GDAP2: variants seen among roughly 807,000 people sequenced by gnomAD.
GDAP2 encodes the protein ganglioside-induced differentiation-associated protein 2.
In GDAP2, 51 loss-of-function variants were observed where a neutral mutation model predicts 67.0. That is an observed-to-expected ratio of 0.76 (90% CI 0.61 to 0.96). The LOEUF is 0.96. Among genes scored for constraint, GDAP2 ranks in the 40% least tolerant of loss-of-function variants. GDAP2 has a pLI of 0.00. For missense variants in GDAP2, 547 were observed against 588.3 expected, an observed-to-expected ratio of 0.93 and a Z score of 0.73; for synonymous variants, 203 against 207.3, an observed-to-expected ratio of 0.98 and a Z score of 0.18.
intron 2 of GDAP2, among the ~76,000 whole-genome samples, chr1:117,919,313 G>A (rs976093587): frequency 2.0e-5 from 3 of 151,268 alleles, no homozygotes; most frequent in African/African-American, 7.3e-5. Context: ...GGCGGAGCTT[G>A]CAGTGAGCCG....
At chr1:117,893,034 G>A (rs1649138994) in intron 8 of GDAP2, among the ~76,000 whole-genome samples, 1 of 152,064 alleles carries the variant, frequency 6.6e-6, no homozygotes, top group African/African-American at 2.4e-5. Flanking sequence ...ATGCAGGCGG[G>A]TGCTGTATCT....
chr1:117,899,142 T>C lies in GDAP2; in HGVS notation c.711A>G (p.Leu237=). The C allele has an allele frequency of 6.2e-7, 1 of 1,609,102 alleles. No homozygotes were observed. The highest frequency in any genetic ancestry group is 1.1e-5 in the South Asian group (1 of 90,960). Residue 237 remains leucine (L), a synonymous_variant, in exon 7 of 14, where the codon CTA becomes CTG. Coordinates refer to ENST00000369443, the MANE Select transcript of GDAP2 (RefSeq NM_017686.4). Reference sequence around the variant, plus strand: ...CTTCTGCATTTCCAATATCTGCAGGTAGGTAGGGCAATGATCGATTCTCCT... The same window carrying C: ...CTTCTGCATTTCCAATATCTGCAGGCAGGTAGGGCAATGATCGATTCTCCT... The part of the protein sequence containing the change: ...LKEENRSLPY[L]PADIGNAEGE...
chr1:117,878,107 C>T lies in GDAP2; in HGVS notation c.1348G>A (p.Asp450Asn), dbSNP rs756141540. 1.2e-6 allele frequency: 2 copies of T among 1,610,140 alleles called. No homozygotes were observed. The highest frequency in any genetic ancestry group is 8.5e-7 in the Non-Finnish European group (1 of 1,177,630). Residue 450 changes from aspartate (D) to asparagine (N), a missense_variant, in exon 13 of 14, where the codon GAC becomes AAC. Coordinates refer to ENST00000369443, the MANE Select transcript of GDAP2 (RefSeq NM_017686.4). The stretch of plus-strand genomic sequence containing the variant: ...AGGCTGTCCACATGGTGGATTTTGT[C>T]CTTCAGTCCTGAGACAGAAAAGGTG... The part of the protein sequence containing the change: ...FTTFSVSGLK[D>N]KIHHVDSLHQ...
intron 5 of GDAP2, among the ~76,000 whole-genome samples, chr1:117,907,273 A>G (rs1649689910): frequency 1.3e-5 from 2 of 152,106 alleles, no homozygotes; most frequent in Non-Finnish European, 2.9e-5. Flanking sequence ...TCTGCCTTCA[A>G]TATTTTTTAT....
chr1:117,881,675 A>G lies in GDAP2; in HGVS notation c.1302+148T>C, dbSNP rs1031798005. 4.7e-6 allele frequency: 3 copies of G among 633,414 alleles called. No homozygotes were observed. In the African/African-American group the frequency reaches 5.5e-5, roughly 12 times the overall value. 39.2% of individuals were successfully genotyped at this position (633,414 alleles called of 1,614,324 possible). A position where few individuals can be genotyped will look rare whatever the true frequency, so the allele number is the denominator to read the frequency against. ...TGGAGTCACATACAACCAAAACATCAGGACCACAACTCAAGATCACTTAGA... is the reference window on the plus strand; with the variant it reads ...TGGAGTCACATACAACCAAAACATCGGGACCACAACTCAAGATCACTTAGA... On this transcript the variant is annotated intron_variant, in intron 12 of 13. Coordinates refer to ENST00000369443, the MANE Select transcript of GDAP2 (RefSeq NM_017686.4).
chr1:117,913,300 A>G (rs1221167680), intron 3 of GDAP2: 1 of 152,150 alleles, frequency 6.6e-6, no homozygotes, highest in Admixed American at 6.5e-5. Context: ...TATGCTGTCA[A>G]GTGGGATGTG....
chr1:117,896,910 T>G lies in GDAP2; in HGVS notation c.876A>C (p.Gly292=). 1 of 1,611,922 alleles carries G rather than the reference T, an allele frequency of 6.2e-7. No individual in the cohort carries two copies. The highest frequency in any genetic ancestry group is 8.5e-7 in the Non-Finnish European group (1 of 1,178,176). Reference sequence around the variant, plus strand: ...TCAGTTTTCTTTGCTTGTCAATATCTCCTTCCATTCGAGCAAAAGCATGAG... The same window carrying G: ...TCAGTTTTCTTTGCTTGTCAATATCGCCTTCCATTCGAGCAAAAGCATGAG... ...IGSHAFARME[G]DIDKQRKLIL... The change falls in exon 8 of 14, where the codon GGA becomes GGC. Residue 292 remains glycine (G), a synonymous_variant. Coordinates refer to ENST00000369443, the MANE Select transcript of GDAP2 (RefSeq NM_017686.4).
chr1:117,884,973 G>A (rs566140891), intron 10 of GDAP2, among the ~76,000 whole-genome samples: 15 of 152,004 alleles, frequency 9.9e-5, no homozygotes, highest in Admixed American at 3.9e-4. Context: ...AGCTTCCCAA[G>A]TAGCTGGGAC....
intron 8 of GDAP2, among the ~76,000 whole-genome samples, chr1:117,889,436 A>G (rs1648991055): frequency 6.6e-6 from 1 of 152,042 alleles, no homozygotes; most frequent in African/African-American, 2.4e-5. Context: ...CGTCTAACTG[A>G]AATTTTGTAT....
chr1:117,887,712 G>C lies in GDAP2; in HGVS notation c.1016C>G (p.Ala339Gly). 6.4e-7 allele frequency: 1 copy of C among 1,552,118 alleles called. No homozygotes were observed. Among genetic ancestry groups the C allele is most frequent in the Non-Finnish European group, 8.9e-7 (1 of 1,124,086 alleles). ...TTTAAGCTCACCTGTTTGGTATAAGGCTTTTAGAGAAGCAATATCAGACAG... is the reference window on the plus strand; with the variant it reads ...TTTAAGCTCACCTGTTTGGTATAAGCCTTTTAGAGAAGCAATATCAGACAG... Reference protein sequence around the residue: ...EDLSDIASLKALYQTGVDNCG... With the variant: ...EDLSDIASLKGLYQTGVDNCG... Residue 339 changes from alanine to glycine, a missense_variant, in exon 9 of 14, where the codon GCC becomes GGC. Transcript: ENST00000369443.
chr1:117,885,875 T>C lies in GDAP2; in HGVS notation c.1107+702A>G, dbSNP rs527316162. Among the ~76,000 whole-genome samples the C allele has an allele frequency of 3.9e-5, 6 of 152,312 alleles. No individual in the cohort carries two copies. In the South Asian group the frequency reaches 1.0e-3, roughly 26 times the overall value. ...CTACATAATTATCTTGTGGGTTCAA[T>C]TGTCCCTTGTATGAGTATTCTGATT... On this transcript the variant is annotated intron_variant, in intron 10 of 13. Coordinates refer to ENST00000369443, the MANE Select transcript of GDAP2 (RefSeq NM_017686.4).
chr1:117,912,701 A>G lies in GDAP2; in HGVS notation c.317-18T>C. On this transcript the variant is annotated intron_variant, in intron 3 of 13. Transcript: ENST00000369443. ...TCGGCACCCTGAAAACAATGGAAAC[A>G]CACATAAGTTTGGATGTGTTAGGAA... 1.2e-6 allele frequency: 2 copies of G among 1,608,354 alleles called. No individual in the cohort carries two copies. Among genetic ancestry groups the G allele is most frequent in the East Asian group, 2.2e-5 (1 of 44,822 alleles).
intron 13 of GDAP2, chr1:117,877,628 G>C: frequency 1.0e-6 from 1 of 995,880 alleles, no homozygotes; most frequent in Non-Finnish European, 1.2e-6. Context: ...CACATGATTT[G>C]CAATTAATTC....
rs369944596 is a variant in GDAP2 at position 117,872,650 on chromosome 1, T to C, written c.1447-2034A>G. Among the ~76,000 whole-genome samples the C allele has an allele frequency of 1.1e-3, 132 of 114,788 alleles. 1 individual carries two copies. In the South Asian group the frequency reaches 0.035, roughly 30 times the overall value. The allele number at this position is 114,788 out of a possible 152,430, so 75.3% of individuals were successfully genotyped here. On this transcript the variant is annotated intron_variant, in intron 13 of 13. Transcript: ENST00000369443. Reference sequence around the variant, plus strand: ...GTAGGAGCTGAACAATGAGAACACATGGACACAGGGAGGGGAACACTTACT... The same window carrying C: ...GTAGGAGCTGAACAATGAGAACACACGGACACAGGGAGGGGAACACTTACT...
chr1:117,892,681 CAACT>C (rs1355368884), intron 8 of GDAP2, among the ~76,000 whole-genome samples: 2 of 152,090 alleles, frequency 1.3e-5, no homozygotes, highest in Non-Finnish European at 2.9e-5. Context: ...GGGTTGCAAC[CAACT>C]GAGGTTGGAC....
chr1:117,927,970 A>G (rs1650513534), intron 1 of GDAP2, among the ~76,000 whole-genome samples: 1 of 152,240 alleles, frequency 6.6e-6, no homozygotes, highest in Admixed American at 6.5e-5. Flanking sequence ...GGAATTTTGT[A>G]AGATGCATTA....
chr1:117,925,540 T>G (rs1197584668), intron 1 of GDAP2, among the ~76,000 whole-genome samples: 1 of 152,194 alleles, frequency 6.6e-6, no homozygotes, highest in Non-Finnish European at 1.5e-5. Context: ...TTACTACCTT[T>G]TTCTGTGATA....
At chr1:117,908,697 T>C (rs1649744494) in intron 5 of GDAP2, among the ~76,000 whole-genome samples, 1 of 151,970 alleles carries the variant, frequency 6.6e-6, no homozygotes, top group Non-Finnish European at 1.5e-5. Flanking sequence ...TGGTGACGCA[T>C]GCCTGTAGTC....
At chr1:117,918,974 C>G (rs1370157734) in intron 2 of GDAP2, among the ~76,000 whole-genome samples, 1 of 152,138 alleles carries the variant, frequency 6.6e-6, no homozygotes, top group Non-Finnish European at 1.5e-5. Context: ...GAAATAGCAG[C>G]ATTACTTATT....
Sources: gnomAD v4.1 joint callset for allele counts (sites outside exome capture counted in the v4.1 genomes callset) on GRCh38, gnomAD v4.1.1 for gene constraint, MANE v1.5 for transcripts, NCBI Gene and HGNC (gene_info 2026-07-23, HGNC 2026-07-21) for gene names.